Variants in ESYT3 observed in about 807,000 individuals in gnomAD.
ESYT3 encodes extended synaptotagmin-3.
ESYT3 carries 101 observed loss-of-function variants against 111.5 expected under a neutral mutation model. That is an observed-to-expected ratio of 0.91 (90% CI 0.77 to 1.07). ESYT3 has a LOEUF of 1.07. ESYT3 is among the 50% of genes least tolerant of loss of function. The pLI, the probability that ESYT3 is intolerant of heterozygous loss-of-function variation, is 0.00. For missense variants in ESYT3, 1,097 were observed against 1,109.4 expected (o/e 0.99, Z 0.16); for synonymous variants, 416 against 446.8 (o/e 0.93, Z 0.87).
downstream of ESYT3, chr3:138,480,741 T>C (rs868659235): frequency 6.6e-6 from 1 of 152,216 alleles, no homozygotes; most frequent in African/African-American, 2.4e-5. Flanking sequence ...ATATGTTTAA[T>C]GAAAGCCCAA....
At chr3:138,437,434 C>T (rs1679178) in intron 1 of ESYT3, among the ~76,000 whole-genome samples, 135,773 of 152,224 alleles carry the variant, frequency 0.89, 60,860 homozygotes, top group East Asian at 1. Context: ...ACCTGTTGGA[C>T]TGGGCCACTG....
rs780161199 is a variant in ESYT3, at chr3:138,470,412, C to T, written c.1590+266C>T. 1.3e-4 allele frequency: 149 copies of T among 1,164,268 alleles called. No homozygotes were observed. In the Middle Eastern group the frequency reaches 1.4e-3, roughly 11 times the overall value. 72.1% of individuals were successfully genotyped at this position (1,164,268 alleles called of 1,614,324 possible). On this transcript the variant is annotated intron_variant, in intron 16 of 22. Coordinates refer to ENST00000389567, the MANE Select transcript of ESYT3 (RefSeq NM_031913.5). ...GGTCTTTATATTTGCTACACAGTAC[C>T]CAGAGCAGCCTATCTACACAGGACA... is the stretch of plus-strand genomic sequence containing the variant.
rs771194819 is a variant in ESYT3, at chr3:138,470,885, T to C, written c.1599T>C (p.Asp533=). 2 of 1,614,130 alleles carry C rather than the reference T, an allele frequency of 1.2e-6. No individual in the cohort carries two copies. The highest frequency in any genetic ancestry group is 1.7e-6 in the Non-Finnish European group (2 of 1,180,008). The change falls in exon 17 of 23, where the codon GAT becomes GAC. Residue 533 remains aspartate, a synonymous_variant. Coordinates refer to ENST00000389567, the MANE Select transcript of ESYT3 (RefSeq NM_031913.5). ...ACTGGACCACTGCCCAGGTGCTTGA[T>C]GATGACCAGGAGTGTGCTCTGGGAA... ...ATERLHLKVL[D]DDQECALGML...
Position 138,470,978 on chromosome 3 carries a change from G to A in ESYT3, c.1692G>A (p.Leu564=). ...TCACTCTTGAGCAGCGCTTTCAGCT[G>A]GACCACTCAGGCCTGGACAGCCTCA... The part of the protein sequence containing the change: ...ADLTLEQRFQ[L]DHSGLDSLIS... The change falls in exon 17 of 23, where the codon CTG becomes CTA. Residue 564 remains leucine (L), a synonymous_variant. Coordinates refer to ENST00000389567, the MANE Select transcript of ESYT3 (RefSeq NM_031913.5). The A allele has an allele frequency of 1.1e-5, 18 of 1,614,124 alleles. No individual in the cohort carries two copies. The highest frequency in any genetic ancestry group is 1.5e-5 in the Non-Finnish European group (18 of 1,180,030).
chr3:138,443,738 G>GTGTGTT (rs1157861175), intron 1 of ESYT3, among the ~76,000 whole-genome samples: 4 of 148,958 alleles, frequency 2.7e-5, no homozygotes, highest in African/African-American at 1.0e-4. Context: ...TTGTGCATCT[G>GTGTGTT]TGTGTGTGTG....
At chr3:138,456,239 G>A (rs2032270329) in intron 3 of ESYT3, among the ~76,000 whole-genome samples, 1 of 152,256 alleles carries the variant, frequency 6.6e-6, no homozygotes. Flanking sequence ...CACGTGCTGT[G>A]TGCTGGGCAT....
intron 7 of ESYT3, 38 bp from the exon 8 acceptor site, chr3:138,462,048 G>T: frequency 6.2e-7 from 1 of 1,612,290 alleles, no homozygotes; most frequent in Non-Finnish European, 8.5e-7. Context: ...GGGGGAGGCA[G>T]TGCCACCCCT....
intron 1 of ESYT3, among the ~76,000 whole-genome samples, chr3:138,448,223 C>T (rs919635253): frequency 7.1e-6 from 1 of 139,962 alleles, no homozygotes; most frequent in African/African-American, 2.7e-5. Flanking sequence ...GCCGAGATTG[C>T]ACCATTGCAC....
At chr3:138,473,457 T>C (rs764259985) in intron 18 of ESYT3, 79 bp from the exon 19 acceptor site, 34 of 1,261,432 alleles carry the variant, frequency 2.7e-5, no homozygotes, top group Admixed American at 1.0e-4. Context: ...CAAGCAGGAA[T>C]GCTTCTTTGT....
In ESYT3 at chr3:138,470,992, T is replaced by C; in HGVS notation, c.1706T>C (p.Leu569Pro). 6.2e-7 allele frequency: 1 copy of C among 1,614,118 alleles called. No homozygotes were observed. Among genetic ancestry groups the C allele is most frequent in the Non-Finnish European group, 8.5e-7 (1 of 1,180,024 alleles). The change falls in exon 17 of 23, where the codon CTG (leucine) becomes CCG (proline). Residue 569 changes from leucine (L) to proline (P), a missense_variant. Coordinates refer to ENST00000389567, the MANE Select transcript of ESYT3 (RefSeq NM_031913.5). ...CGCTTTCAGCTGGACCACTCAGGCCTGGACAGCCTCATCTCCATGAGGCTG... is the reference window on the plus strand; with the variant it reads ...CGCTTTCAGCTGGACCACTCAGGCCCGGACAGCCTCATCTCCATGAGGCTG... Reference protein sequence around the residue: ...EQRFQLDHSGLDSLISMRLVL... With the variant: ...EQRFQLDHSGPDSLISMRLVL...
At chr3:138,443,416 C>CACTT (rs1377962139) in intron 1 of ESYT3, among the ~76,000 whole-genome samples, 10 of 152,130 alleles carry the variant, frequency 6.6e-5, no homozygotes, top group African/African-American at 2.4e-4. Context: ...ATCAAAGGAC[C>CACTT]ACTTGGCTTG....
At chr3:138,452,655 C>G (rs191092335) in intron 2 of ESYT3, among the ~76,000 whole-genome samples, 2 of 152,314 alleles carry the variant, frequency 1.3e-5, no homozygotes, top group Non-Finnish European at 2.9e-5. Context: ...GAGCCCTCCC[C>G]AGCAGGAATC....
Position 138,468,710 on chromosome 3 carries a change from A to G in ESYT3, c.1364A>G (p.Asn455Ser). 6.2e-7 allele frequency: 1 copy of G among 1,614,116 alleles called. No homozygotes were observed. The highest frequency in any genetic ancestry group is 8.5e-7 in the Non-Finnish European group (1 of 1,180,024). ...ILVVFLESAC[N>S]LPRNPFDYLN... Reference sequence around the variant, plus strand: ...GTGGTCTTCTTGGAGAGTGCCTGCAACTTGCCGGTGAGTGGCGACATGTCC... The same window carrying G: ...GTGGTCTTCTTGGAGAGTGCCTGCAGCTTGCCGGTGAGTGGCGACATGTCC... The change falls in exon 13 of 23, where the codon AAC becomes AGC. Residue 455 changes from asparagine (N) to serine (S), a missense_variant. Transcript: ENST00000389567.
Position 138,470,923 on chromosome 3 carries a change from C to G in ESYT3, c.1637C>G (p.Pro546Arg). 6.2e-7 allele frequency: 1 copy of G among 1,614,130 alleles called. No individual in the cohort carries two copies. Among genetic ancestry groups the G allele is most frequent in the South Asian group, 1.1e-5 (1 of 91,068 alleles). Residue 546 changes from proline (P) to arginine (R), a missense_variant, in exon 17 of 23, where the codon CCC becomes CGC. Coordinates refer to ENST00000389567, the MANE Select transcript of ESYT3 (RefSeq NM_031913.5). ...TGTGCTCTGGGAATGCTGGAGGTCC[C>G]CCTGTGCCAGATCCTCCCCTATGCT... The part of the protein sequence containing the change: ...QECALGMLEV[P>R]LCQILPYADL...
chr3:138,479,153 T>G lies in ESYT3; in HGVS notation c.*2299T>G, dbSNP rs2033614948. 1 of 152,220 alleles carries G rather than the reference T, an allele frequency of 6.6e-6. No individual in the cohort carries two copies. Among genetic ancestry groups the G allele is most frequent in the African/African-American group, 2.4e-5 (1 of 41,456 alleles). 9.4% of individuals were successfully genotyped at this position (152,220 alleles called of 1,614,324 possible). A position where few individuals can be genotyped will look rare whatever the true frequency, so the allele number is the denominator to read the frequency against. The stretch of plus-strand genomic sequence containing the variant: ...CTGAAAAATAGCCATAGATAATATT[T>G]CAGCCAGAAGGAAAATGTACCAGTA... On this transcript the variant is annotated 3_prime_UTR_variant, in exon 23 of 23. Transcript: ENST00000389567.
intron 4 of ESYT3, among the ~76,000 whole-genome samples, chr3:138,458,032 T>C (rs956653507): frequency 3.3e-5 from 5 of 152,022 alleles, no homozygotes; most frequent in Admixed American, 2.0e-4. Flanking sequence ...CAAAGACACA[T>C]AAGTGACTAG....
rs191575803 is a variant in ESYT3, at chr3:138,442,486, C to T, written c.327+7361C>T. Among the ~76,000 whole-genome samples the T allele has an allele frequency of 2.2e-4, 34 of 152,138 alleles. No homozygotes were observed. In the East Asian group the frequency reaches 6.2e-3, roughly 28 times the overall value. The stretch of plus-strand genomic sequence containing the variant: ...GGAGGTGGGTGGTGGTTCCTCTGTC[C>T]GCAGTTTCTCCCTCTGATCTGTGCA... On this transcript the variant is annotated intron_variant, in intron 1 of 22. Coordinates refer to ENST00000389567, the MANE Select transcript of ESYT3 (RefSeq NM_031913.5).
intron 2 of ESYT3, among the ~76,000 whole-genome samples, chr3:138,453,293 T>G (rs972037324): frequency 6.6e-6 from 1 of 151,938 alleles, no homozygotes; most frequent in Admixed American, 6.6e-5. Flanking sequence ...GTTGGAGATA[T>G]AAGACTGTTG....
chr3:138,471,599 G>T (rs2033222759), intron 17 of ESYT3, among the ~76,000 whole-genome samples: 1 of 152,124 alleles, frequency 6.6e-6, no homozygotes, highest in Admixed American at 6.6e-5. Context: ...AAATTTTGAT[G>T]TTTGTTTTGT....
Sources: gnomAD v4.1 joint callset for allele counts (sites outside exome capture counted in the v4.1 genomes callset) on GRCh38, gnomAD v4.1.1 for gene constraint, MANE v1.5 for transcripts, NCBI Gene and HGNC (gene_info 2026-07-23, HGNC 2026-07-21) for gene names.